TNFAIP8: variants seen among roughly 807,000 people sequenced by gnomAD.
The protein encoded by TNFAIP8 is TNF alpha induced protein 8.
Under a neutral mutation model 13.3 loss-of-function variants are expected in TNFAIP8, and 7 were observed. The observed-to-expected ratio is 0.52, with a 90% CI of 0.30 to 0.99. The LOEUF (loss-of-function observed/expected upper bound fraction) is 0.99, where lower values mean the gene tolerates loss of function less well. Ranked by LOEUF, TNFAIP8 falls within the 50% of genes least tolerant of loss-of-function variation. TNFAIP8 has a pLI of 0.07. For missense variants in TNFAIP8, 258 were observed against 236.9 expected, an observed-to-expected ratio of 1.09 and a Z score of -0.58; for synonymous variants, 94 against 87.6, an observed-to-expected ratio of 1.07 and a Z score of -0.41.
rs994989344 is a variant in TNFAIP8, at chr5:119,271,527, G to A, written c.1+2620G>A. On this transcript the variant is annotated intron_variant, in intron 1 of 1. Transcript: ENST00000274456. Reference sequence around the variant, plus strand: ...ATTTATGCGTGATAGCAGTTGAAGGGGCTGAAAATGGGATAACCTCCAGGA... The same window carrying A: ...ATTTATGCGTGATAGCAGTTGAAGGAGCTGAAAATGGGATAACCTCCAGGA... 3.3e-5 allele frequency among the ~76,000 whole-genome samples: 5 copies of A among 152,164 alleles called. No individual in the cohort carries two copies. The South Asian group carries it at 8.3e-4, about 25-fold the overall frequency.
chr5:119,359,654 A>G (rs2112784187), intron 1 of TNFAIP8, among the ~76,000 whole-genome samples: 1 of 152,250 alleles, frequency 6.6e-6, no homozygotes, highest in Middle Eastern at 3.4e-3. Flanking sequence ...ACTGTGTAGT[A>G]CTCTGTTTTA....
intron 1 of TNFAIP8, among the ~76,000 whole-genome samples, chr5:119,368,107 G>C (rs1465674870): frequency 6.6e-6 from 1 of 152,146 alleles, no homozygotes; most frequent in Non-Finnish European, 1.5e-5. Flanking sequence ...GTGTGTGCCA[G>C]GTACACTACA....
rs1753103448 is a variant in TNFAIP8, at chr5:119,397,550, CAT to C, written c.*4171_*4172del. The C allele has an allele frequency of 6.6e-6, 1 of 152,158 alleles. No homozygotes were observed. The highest frequency in any genetic ancestry group is 1.5e-5 in the Non-Finnish European group (1 of 68,034). The allele number at this position is 152,158 out of a possible 1,614,324, so 9.4% of individuals were successfully genotyped here. A position where few individuals can be genotyped will look rare whatever the true frequency, so the allele number is the denominator to read the frequency against. On this transcript the variant is annotated 3_prime_UTR_variant, in exon 2 of 2. Transcript: ENST00000504771. ...AGGCTTCTAGGTGATTTGTTAAACT[CAT>C]AGCAGGTTTTAGTACACAGTGCTGT...
At chr5:119,293,696 A>G (rs1581577416) in intron 1 of TNFAIP8, among the ~76,000 whole-genome samples, 1 of 152,194 alleles carries the variant, frequency 6.6e-6, no homozygotes, top group Non-Finnish European at 1.5e-5. Flanking sequence ...TTATATCTCA[A>G]TAAGGCTATG....
intron 1 of TNFAIP8, among the ~76,000 whole-genome samples, chr5:119,342,745 C>T (rs1750781528): frequency 6.6e-6 from 1 of 152,226 alleles, no homozygotes; most frequent in African/African-American, 2.4e-5. Flanking sequence ...GCCTTCACTT[C>T]TGACTGGTTA....
chr5:119,390,824 T>A (rs1311594055), intron 1 of TNFAIP8, among the ~76,000 whole-genome samples: 1 of 152,084 alleles, frequency 6.6e-6, no homozygotes, highest in Non-Finnish European at 1.5e-5. Context: ...TTTATTTAAT[T>A]TTAATTTTTT....
intron 1 of TNFAIP8, among the ~76,000 whole-genome samples, chr5:119,368,260 T>A (rs1055146712): frequency 1.3e-5 from 2 of 152,308 alleles, no homozygotes; most frequent in South Asian, 4.2e-4. Flanking sequence ...TTTTGACAGA[T>A]ACTAACAGGT....
chr5:119,363,847 A>G, intron 1 of TNFAIP8, among the ~76,000 whole-genome samples: 1 of 152,216 alleles, frequency 6.6e-6, no homozygotes, highest in East Asian at 1.9e-4. Context: ...CAGGCATCCC[A>G]TACTTTTGAC....
At chr5:119,285,809 G>T (rs1367139568) in intron 1 of TNFAIP8, among the ~76,000 whole-genome samples, 1 of 152,152 alleles carries the variant, frequency 6.6e-6, no homozygotes, top group East Asian at 1.9e-4. Flanking sequence ...ACATACATGA[G>T]GGTGCTTCCT....
At chr5:119,293,155 T>C (rs7705109) in intron 1 of TNFAIP8, among the ~76,000 whole-genome samples, 9,923 of 152,216 alleles carry the variant, frequency 0.065, 775 homozygotes, top group African/African-American at 0.18. Flanking sequence ...AATGGCTAAA[T>C]CAAGCCATTT....
intron 1 of TNFAIP8, among the ~76,000 whole-genome samples, chr5:119,310,840 C>T (rs1037654538): frequency 5.9e-5 from 9 of 152,026 alleles, no homozygotes; most frequent in African/African-American, 2.2e-4. Flanking sequence ...ATCAATCAAT[C>T]AATCAATCAA....
At chr5:119,341,943 C>A (rs1206858682) in intron 1 of TNFAIP8, among the ~76,000 whole-genome samples, 1 of 151,422 alleles carries the variant, frequency 6.6e-6, no homozygotes, top group Non-Finnish European at 1.5e-5. Context: ...CAGGGCAGAA[C>A]TGGGAATGGG....
intron 1 of TNFAIP8, among the ~76,000 whole-genome samples, chr5:119,314,178 CAAA>C (rs1749814679): frequency 1.4e-5 from 2 of 138,356 alleles, no homozygotes; most frequent in Non-Finnish European, 3.0e-5. Flanking sequence ...TAAAAACAAA[CAAA>C]CAAACAAACA....
At chr5:119,275,472 AC>A (rs1748412237) in intron 1 of TNFAIP8, among the ~76,000 whole-genome samples, 1 of 152,080 alleles carries the variant, frequency 6.6e-6, no homozygotes, top group African/African-American at 2.4e-5. Flanking sequence ...CACGGGCCCA[AC>A]TCAGGACTCG....
intron 1 of TNFAIP8, among the ~76,000 whole-genome samples, chr5:119,269,575 G>C (rs1748210326): frequency 6.6e-6 from 1 of 152,194 alleles, no homozygotes; most frequent in Non-Finnish European, 1.5e-5. Flanking sequence ...TCAAGACCAG[G>C]CTGACCCAAC....
chr5:119,295,222 TAACGTTAGACCTATAG>T (rs1326571850), intron 1 of TNFAIP8, among the ~76,000 whole-genome samples: 2 of 48,064 alleles, frequency 4.2e-5, no homozygotes, highest in Admixed American at 1.6e-4. Flanking sequence ...ACGTTTAGTC[TAACGTTAGACCTATAG>T]GTCTAACGTT....
intron 1 of TNFAIP8, among the ~76,000 whole-genome samples, chr5:119,349,921 A>G (rs1484039034): frequency 1.3e-5 from 2 of 152,234 alleles, no homozygotes; most frequent in African/African-American, 4.8e-5. Context: ...AGTTTAATAC[A>G]GTGAGAAAGT....
intron 1 of TNFAIP8, among the ~76,000 whole-genome samples, chr5:119,372,211 C>G (rs1485457293): frequency 6.7e-6 from 1 of 149,962 alleles, no homozygotes; most frequent in Non-Finnish European, 1.5e-5. Context: ...ACCTGTAGTA[C>G]TAGCTACTCA....
chr5:119,312,743 T>TAAAAAAAAA (rs1749770592), intron 1 of TNFAIP8, among the ~76,000 whole-genome samples: 1 of 19,754 alleles, frequency 5.1e-5, no homozygotes. Flanking sequence ...CTGCAAAAAA[T>TAAAAAAAAA]ACAAAAAAAA....
Sources: allele counts gnomAD v4.1 joint callset (sites outside exome capture counted in the v4.1 genomes callset), GRCh38; gene constraint gnomAD v4.1.1; transcripts MANE v1.5; gene names NCBI Gene and HGNC (gene_info 2026-07-23, HGNC 2026-07-21).